The following MAP2K5 variants were observed in gnomAD, a reference collection of about 807,000 sequenced individuals.
The protein encoded by MAP2K5 is dual specificity mitogen-activated protein kinase kinase 5.
A neutral mutation model predicts 83.1 loss-of-function variants in MAP2K5; 49 were observed. That is an observed-to-expected ratio of 0.59 (90% confidence interval 0.47 to 0.75). The LOEUF is 0.75. MAP2K5 is among the 30% of genes least tolerant of loss of function. The pLI is 0.00. For synonymous variants in MAP2K5, 202 were observed against 191.8 expected, an observed-to-expected ratio of 1.05 and a Z score of -0.44; for missense variants, 457 against 557.5, an observed-to-expected ratio of 0.82 and a Z score of 1.82.
chr15:67,554,756 A>G (rs938871642), intron 2 of MAP2K5, among the ~76,000 whole-genome samples: 1 of 152,236 alleles, frequency 6.6e-6, no homozygotes, highest in Non-Finnish European at 1.5e-5. Flanking sequence ...CTCTCTTCTT[A>G]GTAATGAGCT....
intron 20 of MAP2K5, among the ~76,000 whole-genome samples, chr15:67,771,550 T>C (rs1353501327): frequency 6.6e-6 from 1 of 152,218 alleles, no homozygotes; most frequent in African/African-American, 2.4e-5. Flanking sequence ...TAGTGGGTAA[T>C]AGCCTTGTTT....
chr15:67,682,852 GT>G (rs1274830495), intron 13 of MAP2K5, among the ~76,000 whole-genome samples: 1 of 150,566 alleles, frequency 6.6e-6, no homozygotes, highest in African/African-American at 2.5e-5. Context: ...AAAAAAAAGA[GT>G]TGTAGGCTGG....
chr15:67,723,393 A>G (rs1356076984), intron 16 of MAP2K5, among the ~76,000 whole-genome samples: 2 of 152,210 alleles, frequency 1.3e-5, no homozygotes, highest in African/African-American at 4.8e-5. Context: ...GGTCAATAAG[A>G]TGACACTAAG....
chr15:67,609,555 G>GAATCTGTAGACCTATTCTATAGGTCTA (rs2085868141), intron 8 of MAP2K5, among the ~76,000 whole-genome samples: 1 of 8,558 alleles, frequency 1.2e-4, no homozygotes, highest in African/African-American at 4.5e-4. Context: ...CTATAGGTCT[G>GAATCTGTAGACCTATTCTATAGGTCTA]TAGATTCTGT....
At chr15:67,695,033 C>T (rs577069543) in intron 15 of MAP2K5, among the ~76,000 whole-genome samples, 7 of 150,470 alleles carry the variant, frequency 4.7e-5, no homozygotes, top group African/African-American at 1.7e-4. Flanking sequence ...ACCACATATT[C>T]TCACTCATAG....
In MAP2K5 at chr15:67,652,580, C is replaced by G. The variant is rs1450364494; in HGVS notation, c.737-5973C>G. On this transcript the variant is annotated intron_variant, in intron 11 of 21. Coordinates refer to ENST00000178640, the MANE Select transcript of MAP2K5 (RefSeq NM_145160.3). This position sits in a 1 kb window ranked among gnomAD's most constrained non-coding sequence, Gnocchi z 4.2. ...GGATCCACTCCTTTGACCCAAACAC[C>G]TCTCACGAGGCCCCATCTTCAACAT... Among the ~76,000 whole-genome samples, 1 of 152,168 alleles carries G rather than the reference C, an allele frequency of 6.6e-6. No individual in the cohort carries two copies. The highest frequency in any genetic ancestry group is 2.4e-5 in the African/African-American group (1 of 41,428).
At chr15:67,689,321 G>A (rs879426290) in intron 13 of MAP2K5, among the ~76,000 whole-genome samples, 38 of 152,168 alleles carry the variant, frequency 2.5e-4, no homozygotes, top group Admixed American at 9.8e-4. Flanking sequence ...CAAACAAATG[G>A]TACAGACAGA....
intron 8 of MAP2K5, among the ~76,000 whole-genome samples, chr15:67,614,512 T>G (rs190653877): frequency 6.6e-6 from 1 of 152,344 alleles, no homozygotes; most frequent in East Asian, 1.9e-4. Context: ...TGCCTAACAA[T>G]TCCAGTTCTT....
At chr15:67,645,718 ATT>A (rs779547659) in intron 9 of MAP2K5, among the ~76,000 whole-genome samples, 9 of 141,994 alleles carry the variant, frequency 6.3e-5, no homozygotes, top group Non-Finnish European at 6.2e-5. Context: ...CACACAGGTA[ATT>A]TTTTTTTTTT....
intron 8 of MAP2K5, among the ~76,000 whole-genome samples, chr15:67,610,500 A>C (rs561933652): frequency 6.6e-6 from 1 of 152,324 alleles, no homozygotes; most frequent in East Asian, 1.9e-4. Context: ...TTGCACAAGC[A>C]AATATTTGTG....
chr15:67,805,372 C>T (rs900533070), intron 21 of MAP2K5, among the ~76,000 whole-genome samples: 1 of 152,242 alleles, frequency 6.6e-6, no homozygotes, highest in Non-Finnish European at 1.5e-5. Context: ...CCCTGCTCTA[C>T]CCAGGCCTGG....
intron 19 of MAP2K5, among the ~76,000 whole-genome samples, chr15:67,754,677 G>C (rs16951231): frequency 0.094 from 14,278 of 152,216 alleles, 791 homozygotes; most frequent in Admixed American, 0.11. Context: ...GAAATACCTT[G>C]ATATTCACAA....
At position 67,676,200 on chromosome 15, in the gene MAP2K5, G is replaced by C. The variant is rs2087680127; in HGVS notation, c.847+11555G>C. ...GCTTTGTCTCTGACACAAACCTGAAGTTTAGGAGCTTATCAGAGGGAGAGA... is the reference window on the plus strand; with the variant it reads ...GCTTTGTCTCTGACACAAACCTGAACTTTAGGAGCTTATCAGAGGGAGAGA... On this transcript the variant is annotated intron_variant, in intron 13 of 21. Transcript: ENST00000178640. This position sits in a 1 kb window ranked among gnomAD's most constrained non-coding sequence, Gnocchi z 4.8. 6.6e-6 allele frequency among the ~76,000 whole-genome samples: 1 copy of C among 152,152 alleles called. No individual in the cohort carries two copies. Among genetic ancestry groups the C allele is most frequent in the Non-Finnish European group, 1.5e-5 (1 of 68,038 alleles).
At chr15:67,591,457 C>G (rs1224523502) in intron 6 of MAP2K5, among the ~76,000 whole-genome samples, 1 of 151,488 alleles carries the variant, frequency 6.6e-6, no homozygotes, top group Middle Eastern at 3.2e-3. Context: ...TCACTGCAAG[C>G]TCTGCCTCCT....
intron 13 of MAP2K5, among the ~76,000 whole-genome samples, chr15:67,672,364 GT>G (rs1308036687): frequency 4.3e-4 from 66 of 152,152 alleles, no homozygotes; most frequent in African/African-American, 1.6e-3. Flanking sequence ...TCTAACTGGT[GT>G]GAGATGGTAT....
chr15:67,594,979 C>T (rs2085494707), intron 7 of MAP2K5, among the ~76,000 whole-genome samples: 1 of 152,088 alleles, frequency 6.6e-6, no homozygotes, highest in South Asian at 2.1e-4. Context: ...ACACTGACAC[C>T]ACTTGATAGG....
chr15:67,651,234 A>G (rs537910446), intron 11 of MAP2K5, among the ~76,000 whole-genome samples: 1 of 152,278 alleles, frequency 6.6e-6, no homozygotes, highest in South Asian at 2.1e-4. Flanking sequence ...AATCAATCAA[A>G]ATTTTTATGG....
chr15:67,599,997 A>T (rs1034661568), intron 7 of MAP2K5, among the ~76,000 whole-genome samples: 1 of 92,572 alleles, frequency 1.1e-5, no homozygotes, highest in Admixed American at 1.6e-4. Context: ...ATGCAAACTT[A>T]TATATAAAGT....
chr15:67,628,289 G>C, intron 8 of MAP2K5: 1 of 523,452 alleles, frequency 1.9e-6, no homozygotes, highest in East Asian at 3.6e-5. Context: ...AGACCAGCCT[G>C]GCCAACATGG....
Sources: gnomAD v4.1 joint callset for allele counts (sites outside exome capture counted in the v4.1 genomes callset) on GRCh38, gnomAD v4.1.1 for gene constraint, Gnocchi (gnomAD v3.1) non-coding constraint, MANE v1.5 for transcripts, NCBI Gene and HGNC (gene_info 2026-07-23, HGNC 2026-07-21) for gene names.